The following SREK1IP1 variants were observed in gnomAD, a reference collection of about 807,000 sequenced individuals.
SREK1IP1 encodes SREK1 interacting protein 1.
In SREK1IP1, 12 loss-of-function variants were observed where a neutral mutation model predicts 22.8. That is an observed-to-expected ratio of 0.53 (90% CI 0.34 to 0.85). The LOEUF (loss-of-function observed/expected upper bound fraction) is 0.85. Ranked by LOEUF, SREK1IP1 falls within the 40% of genes least tolerant of loss-of-function variation. The pLI, the probability that SREK1IP1 is intolerant of heterozygous loss-of-function variation, is 0.02. For missense variants in SREK1IP1, 147 were observed against 171.8 expected (o/e 0.86, Z 0.81); for synonymous variants, 53 against 52.7 (o/e 1.01, Z -0.02).
intron 3 of SREK1IP1, among the ~76,000 whole-genome samples, chr5:64,740,131 G>A (rs115493046): frequency 0.016 from 2,403 of 152,066 alleles, 29 homozygotes; most frequent in Non-Finnish European, 0.022. Flanking sequence ...TATACACAAC[G>A]TGGGAAAGAA....
chr5:64,762,101 T>C (rs979956339), intron 1 of SREK1IP1, among the ~76,000 whole-genome samples: 32 of 152,166 alleles, frequency 2.1e-4, no homozygotes, highest in African/African-American at 7.7e-4. Context: ...AGGCAACAAC[T>C]TAGTCACTGG....
intron 1 of SREK1IP1, among the ~76,000 whole-genome samples, chr5:64,755,839 A>G (rs1384628919): frequency 6.6e-6 from 1 of 151,944 alleles, no homozygotes; most frequent in Non-Finnish European, 1.5e-5. Context: ...ATTTATATAT[A>G]TATGTATATA....
At position 64,763,786 on chromosome 5, in the gene SREK1IP1, C is replaced by G. The variant is rs77586171; in HGVS notation, c.13+4719G>C. Among the ~76,000 whole-genome samples, 548 of 152,310 alleles carry G rather than the reference C, an allele frequency of 3.6e-3. 8 individuals are homozygous for G. The highest frequency in any genetic ancestry group is 0.023 in the East Asian group (118 of 5,186). ...TGAATCAAGCCCCTACAGGGATATCCAATCTTCTGGCTTTGCTGGGCCACA... is the reference window on the plus strand; with the variant it reads ...TGAATCAAGCCCCTACAGGGATATCGAATCTTCTGGCTTTGCTGGGCCACA... On this transcript the variant is annotated intron_variant, in intron 1 of 4. Coordinates refer to ENST00000513458, the MANE Select transcript of SREK1IP1 (RefSeq NM_173829.4).
intron 2 of SREK1IP1, among the ~76,000 whole-genome samples, chr5:64,745,684 A>G (rs1742622044): frequency 6.6e-6 from 1 of 152,202 alleles, no homozygotes; most frequent in Non-Finnish European, 1.5e-5. Context: ...AATATTAAAA[A>G]TAAATAAAAT....
At chr5:64,753,598 A>G (rs1742785819) in intron 2 of SREK1IP1, among the ~76,000 whole-genome samples, 1 of 152,150 alleles carries the variant, frequency 6.6e-6, no homozygotes, top group Non-Finnish European at 1.5e-5. Flanking sequence ...TTGCATGAAC[A>G]TCTTTTTGTC....
rs928788717 is a variant in SREK1IP1, at chr5:64,718,782, A to G, written c.*5602T>C. On this transcript the variant is annotated 3_prime_UTR_variant, in exon 5 of 5. Coordinates refer to ENST00000513458, the MANE Select transcript of SREK1IP1 (RefSeq NM_173829.4). ...TATTATAACACAGACCTGGTTTTGT[A>G]ACAGAATTCAACAGAAAAAAAAAGG... The G allele has an allele frequency of 6.6e-6, 1 of 152,146 alleles. No homozygotes were observed. The highest frequency in any genetic ancestry group is 1.5e-5 in the Non-Finnish European group (1 of 68,002). The allele number at this position is 152,146 out of a possible 1,614,324, so 9.4% of individuals were successfully genotyped here.
At chr5:64,726,747 T>C (rs1232098551) in intron 4 of SREK1IP1, among the ~76,000 whole-genome samples, 2 of 152,138 alleles carry the variant, frequency 1.3e-5, no homozygotes, top group Admixed American at 1.3e-4. Flanking sequence ...TAGCCTCTAG[T>C]TGGGCAAAAT....
chr5:64,763,439 A>C (rs1007257454), intron 1 of SREK1IP1, among the ~76,000 whole-genome samples: 1 of 152,018 alleles, frequency 6.6e-6, no homozygotes, highest in Non-Finnish European at 1.5e-5. Context: ...TGGGAGGCTG[A>C]GGCAGAAGAA....
chr5:64,758,487 G>T (rs182558984), intron 1 of SREK1IP1, among the ~76,000 whole-genome samples: 1 of 152,118 alleles, frequency 6.6e-6, no homozygotes, highest in African/African-American at 2.4e-5. Context: ...AGCAGAATTT[G>T]ACTGGAATAA....
At chr5:64,741,244 A>C (rs372772682) in intron 2 of SREK1IP1, 44 bp from the exon 3 acceptor site, 6 of 1,563,406 alleles carry the variant, frequency 3.8e-6, no homozygotes, top group Middle Eastern at 1.7e-4. Context: ...AAAACTATAG[A>C]TACATTATGT....
At chr5:64,753,705 A>T (rs559581985) in intron 2 of SREK1IP1, among the ~76,000 whole-genome samples, 69 of 152,372 alleles carry the variant, frequency 4.5e-4, no homozygotes, top group Middle Eastern at 3.4e-3. Flanking sequence ...CAACTTAGAA[A>T]ATAGCAAATG....
Position 64,723,691 on chromosome 5 carries a change from A to G in SREK1IP1, c.*693T>C, listed in dbSNP as rs929221890. 5 of 152,724 alleles carry G rather than the reference A, an allele frequency of 3.3e-5. No homozygotes were observed. Among genetic ancestry groups the G allele is most frequent in the Admixed American group, 3.3e-4 (5 of 15,288 alleles). 9.5% of individuals were successfully genotyped at this position (152,724 alleles called of 1,614,324 possible). The stretch of plus-strand genomic sequence containing the variant: ...ACAGGCTGAACTAATCTCTTTATAC[A>G]AGAAGTATTTTAATTATTACAAAAA... On this transcript the variant is annotated 3_prime_UTR_variant, in exon 5 of 5. Coordinates refer to ENST00000513458, the MANE Select transcript of SREK1IP1 (RefSeq NM_173829.4).
rs151146424 is a variant in SREK1IP1, at chr5:64,727,871, C to A, written c.278+236G>T. On this transcript the variant is annotated intron_variant, in intron 4 of 4. Transcript: ENST00000513458. ...ACAGCATGACAAGTTCTATTAAATT[C>A]TATTAATAAGTTAATTTATTAGCCA... The A allele has an allele frequency of 2.0e-3, 570 of 285,502 alleles. 4 individuals carry two copies. The highest frequency in any genetic ancestry group is 0.011 in the African/African-American group (487 of 42,850). 17.7% of individuals were successfully genotyped at this position (285,502 alleles called of 1,614,324 possible).
In SREK1IP1 at chr5:64,736,547, T is replaced by C. The variant is rs544869442; in HGVS notation, c.205+4510A>G. ...CATGATCTCGGCTCACTGCAACCTC[T>C]GCCTCCCGGGTTCAAGTGATTCTCC... On this transcript the variant is annotated intron_variant, in intron 3 of 4. Transcript: ENST00000513458. Among the ~76,000 whole-genome samples, 60 of 151,920 alleles carry C rather than the reference T, an allele frequency of 3.9e-4. 1 individual carries two copies. The highest frequency in any genetic ancestry group is 1.3e-3 in the African/African-American group (54 of 41,418).
intron 1 of SREK1IP1, among the ~76,000 whole-genome samples, chr5:64,764,445 C>T (rs1743001401): frequency 1.3e-5 from 2 of 152,300 alleles, no homozygotes; most frequent in South Asian, 2.1e-4. Flanking sequence ...GGTAGGAAAG[C>T]ACTTGAGAGG....
chr5:64,766,937 A>T (rs1743042811), intron 1 of SREK1IP1, among the ~76,000 whole-genome samples: 1 of 152,220 alleles, frequency 6.6e-6, no homozygotes, highest in Non-Finnish European at 1.5e-5. Context: ...GTTACTATCT[A>T]CTTAATTTCT....
chr5:64,726,575 C>CA (rs1267636357), intron 4 of SREK1IP1, among the ~76,000 whole-genome samples: 676 of 54,262 alleles, frequency 0.012, 1 homozygote, highest in African/African-American at 0.025. Context: ...GACTCTGTCT[C>CA]AAAAAAAAAA....
intron 1 of SREK1IP1, 129 bp from the exon 2 acceptor site, chr5:64,754,491 G>T (rs188050207): frequency 2.7e-5 from 22 of 810,824 alleles, no homozygotes; most frequent in Non-Finnish European, 3.9e-5. Flanking sequence ...TTGAGACAAG[G>T]TGTCACTCTG....
rs1374443161 is a variant in SREK1IP1 at position 64,728,199 on chromosome 5, AG to A, written c.206-21del. 4.4e-6 allele frequency: 6 copies of A among 1,371,338 alleles called. No homozygotes were observed. Among genetic ancestry groups the A allele is most frequent in the Non-Finnish European group, 5.7e-6 (6 of 1,052,948 alleles). 84.9% of individuals were successfully genotyped at this position (1,371,338 alleles called of 1,614,324 possible). The stretch of plus-strand genomic sequence containing the variant: ...TTATTCCTGTGGGGGAGAGGTGAGA[AG>A]AAAAAAATCTGGTTAATATATGATT... On this transcript the variant is annotated intron_variant, in intron 3 of 4. Transcript: ENST00000513458.
Sources: allele counts gnomAD v4.1 joint callset (sites outside exome capture counted in the v4.1 genomes callset), GRCh38; gene constraint gnomAD v4.1.1; transcripts MANE v1.5; gene names NCBI Gene and HGNC (gene_info 2026-07-23, HGNC 2026-07-21).